The following ANKRD31 variants were observed in gnomAD, a reference collection of about 807,000 sequenced individuals.
The protein encoded by ANKRD31 is ankyrin repeat domain 31, also known as ankyrin repeat domain-containing protein 31.
ANKRD31 carries 147 observed loss-of-function variants against 186.0 expected under a neutral mutation model. The ratio of observed to expected loss-of-function variants is 0.79; its 90% CI spans 0.69 to 0.91. The LOEUF (loss-of-function observed/expected upper bound fraction) is 0.91, where lower values mean the gene tolerates loss of function less well. Among genes scored for constraint, ANKRD31 ranks in the 40% least tolerant of loss-of-function variants. The pLI is 0.00. For synonymous variants in ANKRD31, 673 were observed against 736.4 expected (o/e 0.91, Z 1.39); for missense variants, 1,986 against 2,148.8 (o/e 0.92, Z 1.50).
At position 75,188,583 on chromosome 5, in the gene ANKRD31, A is replaced by T; in HGVS notation, c.1474T>A (p.Leu492Ile). 1 of 1,536,184 alleles carries T rather than the reference A, an allele frequency of 6.5e-7. No homozygotes were observed. The highest frequency in any genetic ancestry group is 8.7e-7 in the Non-Finnish European group (1 of 1,146,196). Residue 492 changes from leucine (L) to isoleucine (I), a missense_variant, in exon 10 of 26, where the codon TTA becomes ATA. Transcript: ENST00000506364. ...TCGTGTAGAGCAGCCTTATATACTA[A>T]GTTCTCTCCAAAAATGTTTCTCCGG... ...INRRNIFGEN[L>I]VYKAALHDDA...
At position 75,146,691 on chromosome 5, in the gene ANKRD31, G is replaced by C. The variant is rs1039576994; in HGVS notation, c.2720C>G (p.Ser907Cys). 1.3e-6 allele frequency: 2 copies of C among 1,536,118 alleles called. No individual in the cohort carries two copies. The highest frequency in any genetic ancestry group is 2.7e-5 in the African/African-American group (2 of 72,954). Residue 907 changes from serine (S) to cysteine (C), a missense_variant, in exon 14 of 26, where the codon TCT (serine) becomes TGT (cysteine). By Grantham distance (112) the Ser-to-Cys change is moderately radical (BLOSUM62 -1). Transcript: ENST00000506364. Reference protein sequence around the residue: ...NSDNDDDDDCSTSEKAITSKK... With the variant: ...NSDNDDDDDCCTSEKAITSKK... ...AGATGTTATAGCCTTCTCAGAGGTAGAGCAATCATCATCATCATCATTATC... is the reference window on the plus strand; with the variant it reads ...AGATGTTATAGCCTTCTCAGAGGTACAGCAATCATCATCATCATCATTATC...
chr5:75,166,153 T>C (rs1488385454), intron 11 of ANKRD31, among the ~76,000 whole-genome samples: 1 of 152,134 alleles, frequency 6.6e-6, no homozygotes, highest in Admixed American at 6.5e-5. Flanking sequence ...CATAATATAA[T>C]GTATAATCAA....
chr5:75,233,725 G>A (rs13188500), intron 1 of ANKRD31, among the ~76,000 whole-genome samples: 2 of 152,006 alleles, frequency 1.3e-5, no homozygotes, highest in African/African-American at 2.4e-5. Flanking sequence ...AGACCAGCCT[G>A]GCCATCATGG....
At chr5:75,210,896 T>C (rs1756589264) in intron 3 of ANKRD31, 31 bp from the exon 4 acceptor site, 2 of 1,450,566 alleles carry the variant, frequency 1.4e-6, no homozygotes. Flanking sequence ...TTTTTCCAAC[T>C]GATAAGTGTT....
Position 75,186,554 on chromosome 5 carries a change from G to A in ANKRD31, c.1564+1939C>T, listed in dbSNP as rs547452944. On this transcript the variant is annotated intron_variant, in intron 10 of 25. Coordinates refer to ENST00000506364, the MANE Select transcript of ANKRD31 (RefSeq NM_001372053.1). Reference sequence around the variant, plus strand: ...GTTACAGGTATAGGAATCAGAAAGAGTTCTGCATAAAATAAAGCTCAAGGC... The same window carrying A: ...GTTACAGGTATAGGAATCAGAAAGAATTCTGCATAAAATAAAGCTCAAGGC... 9.2e-5 allele frequency among the ~76,000 whole-genome samples: 14 copies of A among 152,288 alleles called. No individual in the cohort carries two copies. In the South Asian group the frequency reaches 2.9e-3, roughly 32 times the overall value.
At chr5:75,199,951 T>C (rs892933661) in intron 5 of ANKRD31, among the ~76,000 whole-genome samples, 2 of 152,228 alleles carry the variant, frequency 1.3e-5, no homozygotes, top group Non-Finnish European at 2.9e-5. Context: ...CTATTTTGGC[T>C]GAATTATACT....
At chr5:75,151,986 T>C (rs1340306925) in intron 12 of ANKRD31, among the ~76,000 whole-genome samples, 1 of 152,050 alleles carries the variant, frequency 6.6e-6, no homozygotes, top group Non-Finnish European at 1.5e-5. Flanking sequence ...AATGAATGAA[T>C]GAATGAATGA....
At chr5:75,229,864 CAAAAAAA>C (rs1210080751) in intron 2 of ANKRD31, among the ~76,000 whole-genome samples, 4 of 37,858 alleles carry the variant, frequency 1.1e-4, no homozygotes, top group African/African-American at 3.4e-4. Flanking sequence ...GACTCTGTCT[CAAAAAAA>C]AAAAAAAAAA....
intron 22 of ANKRD31, among the ~76,000 whole-genome samples, chr5:75,096,777 T>G (rs1746359138): frequency 6.6e-6 from 1 of 152,098 alleles, no homozygotes; most frequent in Non-Finnish European, 1.5e-5. Context: ...ACTCGTCATT[T>G]ACATTAGGTA....
rs114219891 is a variant in ANKRD31 at position 75,090,100 on chromosome 5, A to G, written c.5472+1161T>C. Reference sequence around the variant, plus strand: ...TTTCAGCAAAACAGTATAATCTATCATAAGTGTAAGAAACCTTGTAACAAA... The same window carrying G: ...TTTCAGCAAAACAGTATAATCTATCGTAAGTGTAAGAAACCTTGTAACAAA... On this transcript the variant is annotated intron_variant, in intron 23 of 25. Transcript: ENST00000506364. 4.8e-3 allele frequency among the ~76,000 whole-genome samples: 730 copies of G among 152,348 alleles called. 12 individuals are homozygous for G. Among genetic ancestry groups the G allele is most frequent in the African/African-American group, 0.017 (698 of 41,588 alleles).
At chr5:75,204,075 T>C (rs973617527) in intron 5 of ANKRD31, among the ~76,000 whole-genome samples, 2 of 152,322 alleles carry the variant, frequency 1.3e-5, no homozygotes, top group South Asian at 2.1e-4. Flanking sequence ...ACATGAAAAC[T>C]TGAAAATTAC....
chr5:75,187,374 A>G (rs1035767687), intron 10 of ANKRD31, among the ~76,000 whole-genome samples: 2 of 152,034 alleles, frequency 1.3e-5, no homozygotes, highest in Admixed American at 1.3e-4. Context: ...TCACAGAAGT[A>G]CCTGAGACAA....
Position 75,147,113 on chromosome 5 carries a change from C to T in ANKRD31, c.2298G>A (p.Gln766=), listed in dbSNP as rs142423057. ...SRRINRLVTY[Q]QHIPETHNDL... Reference sequence around the variant, plus strand: ...CATTATGAGTTTCTGGAATATGCTGCTGATAGGTAACCAATCTGTTTATTC... The same window carrying T: ...CATTATGAGTTTCTGGAATATGCTGTTGATAGGTAACCAATCTGTTTATTC... The change falls in exon 14 of 26, where the codon CAG becomes CAA. Residue 766 remains glutamine (Q), a synonymous_variant. Coordinates refer to ENST00000506364, the MANE Select transcript of ANKRD31 (RefSeq NM_001372053.1). The T allele has an allele frequency of 3.0e-5, 46 of 1,536,342 alleles. No homozygotes were observed. In the South Asian group the frequency reaches 3.9e-4, roughly 13 times the overall value.
At chr5:75,094,102 A>G (rs911263005) in intron 22 of ANKRD31, among the ~76,000 whole-genome samples, 1 of 152,244 alleles carries the variant, frequency 6.6e-6, no homozygotes, top group Admixed American at 6.5e-5. Context: ...TATAACTTAT[A>G]GAAATGTAAT....
intron 4 of ANKRD31, among the ~76,000 whole-genome samples, chr5:75,206,712 T>C (rs1756274779): frequency 6.6e-6 from 1 of 152,124 alleles, no homozygotes; most frequent in South Asian, 2.1e-4. Context: ...ATAAATGACC[T>C]GAGGAGTGTA....
intron 21 of ANKRD31, 68 bp from the exon 22 acceptor site, chr5:75,105,286 A>T: frequency 1.4e-6 from 2 of 1,384,826 alleles, no homozygotes; most frequent in Non-Finnish European, 1.9e-6. Flanking sequence ...GGTCACTTAG[A>T]GGTTAAAGAT....
intron 19 of ANKRD31, among the ~76,000 whole-genome samples, chr5:75,112,851 C>T (rs1396150963): frequency 6.6e-6 from 1 of 152,064 alleles, no homozygotes; most frequent in Non-Finnish European, 1.5e-5. Flanking sequence ...GTAAAAGTAG[C>T]AATCACAAGA....
At chr5:75,122,115 A>C (rs962649968) in intron 17 of ANKRD31, among the ~76,000 whole-genome samples, 2 of 152,240 alleles carry the variant, frequency 1.3e-5, no homozygotes, top group East Asian at 3.9e-4. Context: ...ATAATGAGAA[A>C]TGAAGAAGAC....
At chr5:75,177,928 C>A (rs1014363386) in intron 10 of ANKRD31, among the ~76,000 whole-genome samples, 3 of 152,042 alleles carry the variant, frequency 2.0e-5, no homozygotes, top group East Asian at 1.9e-4. Flanking sequence ...AATTAAAAGG[C>A]GCAGACTGGC....
Sources: gnomAD v4.1 joint callset for allele counts (sites outside exome capture counted in the v4.1 genomes callset) on GRCh38, gnomAD v4.1.1 for gene constraint, MANE v1.5 for transcripts, NCBI Gene and HGNC (gene_info 2026-07-23, HGNC 2026-07-21) for gene names.